Variants in ASH1L observed in about 807,000 individuals in gnomAD.
ASH1L encodes ASH1 like histone lysine methyltransferase.
Under a neutral mutation model 269.0 loss-of-function variants are expected in ASH1L, and 23 were observed. The observed-to-expected ratio is 0.09, with a 90% CI of 0.06 to 0.12. The LOEUF (loss-of-function observed/expected upper bound fraction) is 0.12, where lower values mean the gene tolerates loss of function less well. Ranked by LOEUF, ASH1L falls within the 10% of genes least tolerant of loss-of-function variation. ASH1L has a pLI of 1.00. For synonymous variants in ASH1L, 1,187 were observed against 1,253.5 expected, an observed-to-expected ratio of 0.95 and a Z score of 1.12; for missense variants, 2,912 against 3,567.8, an observed-to-expected ratio of 0.82 and a Z score of 4.68.
chr1:155,372,453 C>T lies in ASH1L; in HGVS notation c.6333-1470G>A, dbSNP rs549351826. 7.4e-3 allele frequency among the ~76,000 whole-genome samples: 1,125 copies of T among 151,884 alleles called. 5 individuals carry two copies. The highest frequency in any genetic ancestry group is 0.013 in the Non-Finnish European group (851 of 67,950). On this transcript the variant is annotated intron_variant, in intron 10 of 27. Transcript: ENST00000392403. Reference sequence around the variant, plus strand: ...CTTCCCAAGTAGCTGGGATTACAGACATGCACCACTACGCCCAGCTAATTT... The same window carrying T: ...CTTCCCAAGTAGCTGGGATTACAGATATGCACCACTACGCCCAGCTAATTT...
At chr1:155,432,673 T>G (rs1661695371) in intron 5 of ASH1L, among the ~76,000 whole-genome samples, 1 of 152,210 alleles carries the variant, frequency 6.6e-6, no homozygotes, top group South Asian at 2.1e-4. Flanking sequence ...AAAAAGTATG[T>G]GTTTAATTTT....
chr1:155,536,315 T>C (rs946517200), intron 1 of ASH1L, among the ~76,000 whole-genome samples: 1 of 152,202 alleles, frequency 6.6e-6, no homozygotes, highest in Non-Finnish European at 1.5e-5. Context: ...TGCAGACTTA[T>C]AAAGACTTTA....
chr1:155,381,972 C>T (rs1390064169), intron 7 of ASH1L, among the ~76,000 whole-genome samples: 2 of 149,448 alleles, frequency 1.3e-5, no homozygotes, highest in African/African-American at 4.9e-5. Flanking sequence ...TTTGGGAGGC[C>T]GAGGTGGGTG....
chr1:155,444,954 T>C (rs1662895250), intron 4 of ASH1L, among the ~76,000 whole-genome samples: 1 of 152,100 alleles, frequency 6.6e-6, no homozygotes, highest in African/African-American at 2.4e-5. Flanking sequence ...CTTTTTATAC[T>C]ATTTAAGAAA....
Position 155,478,307 on chromosome 1 carries a change from C to T in ASH1L, c.4563G>A (p.Lys1521=). 6.2e-7 allele frequency: 1 copy of T among 1,614,166 alleles called. No individual in the cohort carries two copies. Among genetic ancestry groups the T allele is most frequent in the East Asian group, 2.2e-5 (1 of 44,890 alleles). ...GCTTATATCGCTCTCCAACAGCATCCTTTCCAAATCTATAGCGCTTCAAAG... is the reference window on the plus strand; with the variant it reads ...GCTTATATCGCTCTCCAACAGCATCTTTTCCAAATCTATAGCGCTTCAAAG... ...LESLKRYRFG[K]DAVGERYKHK... is the part of the protein sequence containing the mutation. The change falls in exon 3 of 28, where the codon AAG becomes AAA. Residue 1521 remains lysine, a synonymous_variant. Coordinates refer to ENST00000392403, the MANE Select transcript of ASH1L (RefSeq NM_018489.3). The surrounding 1 kb of genome is among the most constrained non-coding windows in gnomAD (Gnocchi z 4.6).
intron 1 of ASH1L, among the ~76,000 whole-genome samples, chr1:155,524,296 C>T (rs903034385): frequency 1.3e-5 from 2 of 149,912 alleles, no homozygotes; most frequent in African/African-American, 4.9e-5. Context: ...GCTGACGGGG[C>T]GGATCAGGAG....
At chr1:155,374,680 C>T (rs1183805826) in intron 10 of ASH1L, among the ~76,000 whole-genome samples, 1 of 152,170 alleles carries the variant, frequency 6.6e-6, no homozygotes, top group Non-Finnish European at 1.5e-5. Context: ...CTGGATTTCC[C>T]ACCTTGCCAA....
chr1:155,558,336 T>C (rs1671737437), intron 1 of ASH1L, among the ~76,000 whole-genome samples: 2 of 152,040 alleles, frequency 1.3e-5, no homozygotes. Context: ...CCGGGCGTGG[T>C]GGCACACACC....
chr1:155,470,213 C>T (rs1402043573), intron 3 of ASH1L, among the ~76,000 whole-genome samples: 2 of 152,098 alleles, frequency 1.3e-5, no homozygotes, highest in African/African-American at 4.8e-5. Context: ...AATCCCAGCA[C>T]TTTGGGAAGC....
chr1:155,496,268 A>G (rs35650427), intron 2 of ASH1L, among the ~76,000 whole-genome samples: 38 of 152,338 alleles, frequency 2.5e-4, no homozygotes, highest in Non-Finnish European at 4.1e-4. Context: ...CAGGATCATC[A>G]AGACATCATT....
At chr1:155,435,588 A>G (rs896499279) in intron 5 of ASH1L, among the ~76,000 whole-genome samples, 23 of 151,950 alleles carry the variant, frequency 1.5e-4, no homozygotes, top group African/African-American at 5.6e-4. Flanking sequence ...TAAAAAATAT[A>G]TTCTCTAGAA....
intron 5 of ASH1L, among the ~76,000 whole-genome samples, chr1:155,437,754 T>C (rs1662217870): frequency 6.6e-6 from 1 of 152,208 alleles, no homozygotes; most frequent in African/African-American, 2.4e-5. Flanking sequence ...ACAGAGCTCA[T>C]ACATCTCTAT....
intron 17 of ASH1L, among the ~76,000 whole-genome samples, chr1:155,350,018 T>G (rs929114511): frequency 5.3e-5 from 8 of 150,980 alleles, no homozygotes; most frequent in African/African-American, 2.0e-4. Flanking sequence ...GCCTCCCGAG[T>G]AGCTGGGACT....
rs1666521048 is a variant in ASH1L, at chr1:155,488,679, A to G, written c.421-6230T>C. Among the ~76,000 whole-genome samples, 6 of 148,588 alleles carry G rather than the reference A, an allele frequency of 4.0e-5. No individual in the cohort carries two copies. The South Asian group carries it at 1.3e-3, about 32-fold the overall frequency. ...GCAAGACTCTGTCACAAAAAAAAAA[A>G]AAAAAAAAAAAAAAAAAAGATTTTG... On this transcript the variant is annotated intron_variant, in intron 2 of 27. Coordinates refer to ENST00000392403, the MANE Select transcript of ASH1L (RefSeq NM_018489.3).
At chr1:155,352,062 T>G (rs1470543489) in intron 17 of ASH1L, among the ~76,000 whole-genome samples, 1 of 151,938 alleles carries the variant, frequency 6.6e-6, no homozygotes, top group African/African-American at 2.4e-5. Context: ...CATACTTAAT[T>G]TCTGGCAATT....
chr1:155,508,569 G>A (rs535447248), intron 2 of ASH1L, among the ~76,000 whole-genome samples: 1 of 152,282 alleles, frequency 6.6e-6, no homozygotes, highest in East Asian at 1.9e-4. Flanking sequence ...AACCCCAGAA[G>A]GCGGAGATTG....
chr1:155,475,897 GT>G (rs1281133430), intron 3 of ASH1L, among the ~76,000 whole-genome samples: 1 of 152,110 alleles, frequency 6.6e-6, no homozygotes, highest in Non-Finnish European at 1.5e-5. Flanking sequence ...AACACGTAAT[GT>G]GATTTTTTGT....
intron 1 of ASH1L, among the ~76,000 whole-genome samples, chr1:155,531,119 C>T (rs1488813107): frequency 6.6e-6 from 1 of 151,636 alleles, no homozygotes; most frequent in Admixed American, 6.6e-5. Flanking sequence ...AATCGTGCCA[C>T]TGCACTCCAG....
intron 10 of ASH1L, among the ~76,000 whole-genome samples, chr1:155,376,001 G>A (rs1166884381): frequency 6.6e-6 from 1 of 152,160 alleles, no homozygotes; most frequent in Non-Finnish European, 1.5e-5. Context: ...CTACTCAGGA[G>A]GCTAACATGG....
Sources: allele counts gnomAD v4.1 joint callset (sites outside exome capture counted in the v4.1 genomes callset), GRCh38; gene constraint gnomAD v4.1.1; non-coding constraint Gnocchi (gnomAD v3.1); transcripts MANE v1.5; gene names NCBI Gene and HGNC (gene_info 2026-07-23, HGNC 2026-07-21).